The following EPN1 variants were observed in gnomAD, a reference collection of about 807,000 sequenced individuals.
EPN1 encodes the protein epsin-1.
Under a neutral mutation model 56.9 loss-of-function variants are expected in EPN1, and 25 were observed. The ratio of observed to expected loss-of-function variants is 0.44; its 90% CI spans 0.32 to 0.61. EPN1 has a LOEUF of 0.61. Ranked by LOEUF, EPN1 falls within the 20% of genes least tolerant of loss-of-function variation. The pLI is 0.05. For missense variants in EPN1, 785 were observed against 823.7 expected (o/e 0.95, Z 0.58); for synonymous variants, 411 against 361.8 (o/e 1.14, Z -1.54).
At chr19:55,676,868 T>G (rs1985469291) in intron 1 of EPN1, 1 of 255,466 alleles carries the variant, frequency 3.9e-6, no homozygotes, top group South Asian at 1.0e-4. Flanking sequence ...TCATTGTGTC[T>G]CTGCCTAGCT....
chr19:55,705,956 A>T lies in EPN1; in HGVS notation c.*10600A>T, dbSNP rs1366612340. 6.4e-6 allele frequency: 1 copy of T among 156,674 alleles called. No homozygotes were observed. The highest frequency in any genetic ancestry group is 1.4e-5 in the Non-Finnish European group (1 of 71,078). 9.7% of individuals were successfully genotyped at this position (156,674 alleles called of 1,614,324 possible). On this transcript the variant is annotated 3_prime_UTR_variant, in exon 11 of 11. Coordinates refer to ENST00000270460, the MANE Select transcript of EPN1 (RefSeq NM_001130072.2). Reference sequence around the variant, plus strand: ...ATTTTCAGTGAGTATAAAGTGTAAGACAAAATAAGTCTTAGTTCAGGTATG... The same window carrying T: ...ATTTTCAGTGAGTATAAAGTGTAAGTCAAAATAAGTCTTAGTTCAGGTATG...
In EPN1 at chr19:55,705,809, A is replaced by ATATATATATATATATATATG. The variant is rs1491406169; in HGVS notation, c.*10472_*10473insGTATATATATATATATATAT. ...TGGCTGGAATATTTGTTGTTGTGGG[A>ATATATATATATATATATATG]TATATATATATATATATATTTAGAG... is the stretch of plus-strand genomic sequence containing the variant. On this transcript the variant is annotated 3_prime_UTR_variant, in exon 11 of 11. Transcript: ENST00000270460. The ATATATATATATATATATATG allele has an allele frequency of 1.4e-3, 109 of 76,280 alleles. 4 individuals carry two copies. Among genetic ancestry groups the ATATATATATATATATATATG allele is most frequent in the African/African-American group, 4.0e-3 (74 of 18,712 alleles). The allele number at this position is 76,280 out of a possible 1,614,324, so 4.7% of individuals were successfully genotyped here.
At position 55,697,255 on chromosome 19, in the gene EPN1, G is replaced by A. The variant is rs1986946758; in HGVS notation, c.*1899G>A. 1 of 152,192 alleles carries A rather than the reference G, an allele frequency of 6.6e-6. No individual in the cohort carries two copies. Among genetic ancestry groups the A allele is most frequent in the African/African-American group, 2.4e-5 (1 of 41,440 alleles). The allele number at this position is 152,192 out of a possible 1,614,324, so 9.4% of individuals were successfully genotyped here. The stretch of plus-strand genomic sequence containing the variant: ...GGGGGAGCCCCACAGGGCACAGAGA[G>A]CCAGCTGAAGGCGGCAGCTCTGGGT... On this transcript the variant is annotated 3_prime_UTR_variant, in exon 11 of 11. Transcript: ENST00000270460.
intron 7 of EPN1, among the ~76,000 whole-genome samples, chr19:55,692,279 A>T (rs1002607593): frequency 6.7e-6 from 1 of 150,172 alleles, no homozygotes; most frequent in African/African-American, 2.5e-5. Flanking sequence ...TGGGGAGGGG[A>T]TGGCAGCTCA....
In EPN1 at chr19:55,688,869, G is replaced by C; in HGVS notation, c.479-1G>C. The C allele has an allele frequency of 6.3e-7, 1 of 1,576,246 alleles. No homozygotes were observed. The highest frequency in any genetic ancestry group is 8.6e-7 in the Non-Finnish European group (1 of 1,161,222). ...TCACGCGTTTCTCACCCGCCCTCCA[G>C]CCTCATCAGCAGCTGTGGGCTCAGG... On this transcript the variant is annotated splice_acceptor_variant, in intron 3 of 10. Coordinates refer to ENST00000270460, the MANE Select transcript of EPN1 (RefSeq NM_001130072.2). LOFTEE classifies it high-confidence loss of function.
intron 2 of EPN1, among the ~76,000 whole-genome samples, chr19:55,684,848 A>G (rs1184387926): frequency 6.6e-6 from 1 of 152,266 alleles, no homozygotes; most frequent in Non-Finnish European, 1.5e-5. Context: ...GGCGATGCCC[A>G]TGGCGGCTGT....
rs536764031 is a variant in EPN1 at position 55,708,692 on chromosome 19, T to C, written c.*13336T>C. On this transcript the variant is annotated 3_prime_UTR_variant, in exon 11 of 11. Coordinates refer to ENST00000270460, the MANE Select transcript of EPN1 (RefSeq NM_001130072.2). ...TGCTTCTAAATATCACAAGGCAGGA[T>C]GGGATTTCTAAAGACAAGGGGATAT... 4.4e-4 allele frequency: 167 copies of C among 383,088 alleles called. No individual in the cohort carries two copies. The highest frequency in any genetic ancestry group is 2.9e-3 in the African/African-American group (142 of 48,436). The allele number at this position is 383,088 out of a possible 1,614,324, so 23.7% of individuals were successfully genotyped here.
At chr19:55,685,929 C>A (rs1986140540) in intron 3 of EPN1, among the ~76,000 whole-genome samples, 1 of 152,242 alleles carries the variant, frequency 6.6e-6, no homozygotes, top group Non-Finnish European at 1.5e-5. Flanking sequence ...GGCTCAGGGC[C>A]TGAGGGTGAT....
Position 55,706,464 on chromosome 19 carries a change from C to A in EPN1, c.*11108C>A, listed in dbSNP as rs562728478. ...GTTGGGAGTTCGAGACCAGCCTGGC[C>A]GACATGGCAAAACCCTGTCTCTACT... is the stretch of plus-strand genomic sequence containing the variant. On this transcript the variant is annotated 3_prime_UTR_variant, in exon 11 of 11. Coordinates refer to ENST00000270460, the MANE Select transcript of EPN1 (RefSeq NM_001130072.2). 6.6e-6 allele frequency: 1 copy of A among 151,068 alleles called. No homozygotes were observed. The highest frequency in any genetic ancestry group is 1.5e-5 in the Non-Finnish European group (1 of 67,958). 9.4% of individuals were successfully genotyped at this position (151,068 alleles called of 1,614,324 possible).
At chr19:55,681,064 T>C (rs2122169596) in intron 2 of EPN1, among the ~76,000 whole-genome samples, 1 of 152,346 alleles carries the variant, frequency 6.6e-6, no homozygotes, top group African/African-American at 2.4e-5. Context: ...GGCCCATCTG[T>C]TCAGAGCCCA....
rs148719955 is a variant in EPN1, at chr19:55,705,328, C to A, written c.*9972C>A. 2 of 152,144 alleles carry A rather than the reference C, an allele frequency of 1.3e-5. No homozygotes were observed. Among genetic ancestry groups the A allele is most frequent in the African/African-American group, 4.8e-5 (2 of 41,438 alleles). 9.4% of individuals were successfully genotyped at this position (152,144 alleles called of 1,614,324 possible). A position where few individuals can be genotyped will look rare whatever the true frequency, so the allele number is the denominator to read the frequency against. On this transcript the variant is annotated 3_prime_UTR_variant, in exon 11 of 11. Coordinates refer to ENST00000270460, the MANE Select transcript of EPN1 (RefSeq NM_001130072.2). ...AACGAAAACAAACCAATGAAAAAAACCTCTCAGAACGATACAGAATCCAGA... is the reference window on the plus strand; with the variant it reads ...AACGAAAACAAACCAATGAAAAAAAACTCTCAGAACGATACAGAATCCAGA...
At position 55,695,696 on chromosome 19, in the gene EPN1, G is replaced by A. The variant is rs1237112164; in HGVS notation, c.*340G>A. On this transcript the variant is annotated 3_prime_UTR_variant, in exon 11 of 11. Coordinates refer to ENST00000270460, the MANE Select transcript of EPN1 (RefSeq NM_001130072.2). The surrounding 1 kb of genome is among the most constrained non-coding windows in gnomAD (Gnocchi z 4.4). Reference sequence around the variant, plus strand: ...TCGTTCCCCTCACGCACCCGCTCACGCACCCTCGGTGAATCCTTGGTGATG... The same window carrying A: ...TCGTTCCCCTCACGCACCCGCTCACACACCCTCGGTGAATCCTTGGTGATG... 6.5e-6 allele frequency: 2 copies of A among 307,892 alleles called. No homozygotes were observed. Among genetic ancestry groups the A allele is most frequent in the Non-Finnish European group, 1.2e-5 (2 of 165,748 alleles). The allele number at this position is 307,892 out of a possible 1,614,324, so 19.1% of individuals were successfully genotyped here.
At chr19:55,692,573 G>T in intron 7 of EPN1, 113 bp from the exon 8 acceptor site, 1 of 663,754 alleles carries the variant, frequency 1.5e-6, no homozygotes, top group South Asian at 2.3e-5. Flanking sequence ...GTGGGTTTCT[G>T]GGGGGCAGGG....
chr19:55,691,613 GCCTCCCTCTCACC>G lies in EPN1; in HGVS notation c.763-137_763-125del. The G allele has an allele frequency of 1.4e-6, 1 of 705,052 alleles. No homozygotes were observed. The highest frequency in any genetic ancestry group is 2.4e-6 in the Non-Finnish European group (1 of 417,940). 43.7% of individuals were successfully genotyped at this position (705,052 alleles called of 1,614,324 possible). A position where few individuals can be genotyped will look rare whatever the true frequency, so the allele number is the denominator to read the frequency against. On this transcript the variant is annotated intron_variant, in intron 6 of 10. Transcript: ENST00000270460. The surrounding 1 kb of genome is among the most constrained non-coding windows in gnomAD (Gnocchi z 5.6). ...AGGCCAGGTGGTGTGTTTGGGGCCT[GCCTCCCTCTCACC>G]CCTTATGGATGGCTGCTGTCTGGAC...
At position 55,706,279 on chromosome 19, in the gene EPN1, TC is replaced by T. The variant is rs1244716027; in HGVS notation, c.*10924del. ...TTTTCTTCCTTTCTTCTCTTTTTCTTCTTCTTTTTTTTTTTTTTTTAAAAGA... is the reference window on the plus strand; with the variant it reads ...TTTTCTTCCTTTCTTCTCTTTTTCTTTTCTTTTTTTTTTTTTTTTAAAAGA... On this transcript the variant is annotated 3_prime_UTR_variant, in exon 11 of 11. Transcript: ENST00000270460. 1.6e-4 allele frequency: 20 copies of T among 121,396 alleles called. No individual in the cohort carries two copies. Among genetic ancestry groups the T allele is most frequent in the South Asian group, 6.5e-4 (3 of 4,638 alleles). The allele number at this position is 121,396 out of a possible 1,614,324, so 7.5% of individuals were successfully genotyped here. A position where few individuals can be genotyped will look rare whatever the true frequency, so the allele number is the denominator to read the frequency against.
At position 55,689,009 on chromosome 19, in the gene EPN1, G is replaced by A; in HGVS notation, c.603+15G>A. ...AGGCCGACCAGGTACTGGGCGTGCA[G>A]CTGGGGCTGTCTGTCCGCCACCCGC... On this transcript the variant is annotated intron_variant, in intron 4 of 10. Coordinates refer to ENST00000270460, the MANE Select transcript of EPN1 (RefSeq NM_001130072.2). The surrounding 1 kb of genome is among the most constrained non-coding windows in gnomAD (Gnocchi z 5.7). 6.3e-7 allele frequency: 1 copy of A among 1,582,912 alleles called. No individual in the cohort carries two copies. The highest frequency in any genetic ancestry group is 8.6e-7 in the Non-Finnish European group (1 of 1,167,584).
In EPN1 at chr19:55,705,808, G is replaced by GATATATATATATATATATATATATATAT. The variant is rs57606788; in HGVS notation, c.*10472_*10473insATATATATATATATATATATATATATAT. 0.016 allele frequency: 1,649 copies of GATATATATATATATATATATATATATAT among 102,292 alleles called. 38 individuals carry two copies. Among genetic ancestry groups the GATATATATATATATATATATATATATAT allele is most frequent in the African/African-American group, 0.024 (514 of 21,664 alleles). The allele number at this position is 102,292 out of a possible 1,614,324, so 6.3% of individuals were successfully genotyped here. On this transcript the variant is annotated 3_prime_UTR_variant, in exon 11 of 11. Transcript: ENST00000270460. ...GTGGCTGGAATATTTGTTGTTGTGG[G>GATATATATATATATATATATATATATAT]ATATATATATATATATATATTTAGA...
intron 2 of EPN1, among the ~76,000 whole-genome samples, chr19:55,684,820 C>T (rs1340064542): frequency 6.0e-5 from 9 of 149,246 alleles, no homozygotes; most frequent in Non-Finnish European, 1.2e-4. Flanking sequence ...AAGAAATAGA[C>T]AGGGCTCCAG....
chr19:55,683,586 C>T (rs114945145), intron 2 of EPN1, among the ~76,000 whole-genome samples: 189 of 152,300 alleles, frequency 1.2e-3, no homozygotes, highest in African/African-American at 4.4e-3. Context: ...CCCCTGACCT[C>T]GGGTGGTCCA....
Sources: gnomAD v4.1 joint callset for allele counts (sites outside exome capture counted in the v4.1 genomes callset) on GRCh38, gnomAD v4.1.1 for gene constraint, Gnocchi (gnomAD v3.1) non-coding constraint, MANE v1.5 for transcripts, NCBI Gene and HGNC (gene_info 2026-07-23, HGNC 2026-07-21) for gene names.